Variants in MECOM observed in about 807,000 individuals in gnomAD.
MECOM encodes histone-lysine N-methyltransferase MECOM.
Under a neutral mutation model 116.3 loss-of-function variants are expected in MECOM, and 13 were observed. The ratio of observed to expected loss-of-function variants is 0.11; its 90% CI spans 0.07 to 0.18. The LOEUF is 0.18. Among genes scored for constraint, MECOM ranks in the 10% least tolerant of loss-of-function variants. The pLI is 1.00. For synonymous variants in MECOM, 528 were observed against 535.2 expected, an observed-to-expected ratio of 0.99 and a Z score of 0.19; for missense variants, 1,299 against 1,509.0, an observed-to-expected ratio of 0.86 and a Z score of 2.31.
chr3:169,225,603 A>G (rs1347170965), intron 2 of MECOM, among the ~76,000 whole-genome samples: 1 of 151,940 alleles, frequency 6.6e-6, no homozygotes, highest in East Asian at 1.9e-4. Flanking sequence ...TCGTCCTAAG[A>G]CCCTTATTTG....
intron 2 of MECOM, among the ~76,000 whole-genome samples, chr3:169,311,106 A>C (rs1163832160): frequency 6.6e-6 from 1 of 152,246 alleles, no homozygotes; most frequent in East Asian, 1.9e-4. Context: ...TGACTCTTAA[A>C]AAAGGTCACA....
intron 12 of MECOM, among the ~76,000 whole-genome samples, chr3:169,099,284 G>A (rs147473819): frequency 9.3e-4 from 142 of 152,218 alleles, no homozygotes; most frequent in African/African-American, 3.3e-3. Flanking sequence ...TAAAATGAAC[G>A]TGATAACATA....
intron 1 of MECOM, among the ~76,000 whole-genome samples, chr3:169,517,032 G>C (rs1756715911): frequency 6.6e-6 from 1 of 152,176 alleles, no homozygotes; most frequent in Admixed American, 6.5e-5. Flanking sequence ...TCAGTTGAAA[G>C]TAATCTATTG....
At chr3:169,187,112 C>T (rs964357811) in intron 2 of MECOM, among the ~76,000 whole-genome samples, 5 of 152,122 alleles carry the variant, frequency 3.3e-5, no homozygotes, top group South Asian at 2.1e-4. Context: ...GAATCCAGCA[C>T]ACATTATGAT....
chr3:169,163,205 T>C (rs1743097221), intron 2 of MECOM, among the ~76,000 whole-genome samples: 2 of 152,318 alleles, frequency 1.3e-5, no homozygotes, highest in Non-Finnish European at 1.5e-5. Context: ...AGATATCCAT[T>C]CATTTTTTTT....
At chr3:169,193,423 T>C (rs1488101) in intron 2 of MECOM, among the ~76,000 whole-genome samples, 92,044 of 151,738 alleles carry the variant, frequency 0.61, 27,964 homozygotes, top group Middle Eastern at 0.66. Context: ...AATGGGCCAA[T>C]GGCTGTCTTT....
chr3:169,540,720 G>A (rs899875701), intron 1 of MECOM, among the ~76,000 whole-genome samples: 4 of 152,158 alleles, frequency 2.6e-5, no homozygotes, highest in African/African-American at 9.7e-5. Context: ...TTGGCCTCCA[G>A]TAACTTGAAA....
intron 11 of MECOM, 65 bp downstream of exon 11, chr3:169,101,995 G>T: frequency 1.3e-6 from 2 of 1,497,258 alleles, no homozygotes; most frequent in Non-Finnish European, 1.8e-6. Context: ...AAAACAAACA[G>T]CAAGACCTTT....
intron 1 of MECOM, among the ~76,000 whole-genome samples, chr3:169,632,023 C>T (rs1233337442): frequency 6.6e-6 from 1 of 152,028 alleles, no homozygotes; most frequent in Non-Finnish European, 1.5e-5. Context: ...TACTCAGCAC[C>T]AATTCCATGA....
intron 2 of MECOM, among the ~76,000 whole-genome samples, chr3:169,240,977 A>G (rs944604467): frequency 8.5e-5 from 13 of 152,188 alleles, no homozygotes; most frequent in African/African-American, 2.7e-4. Context: ...CAGCAATGTG[A>G]GTAGCTGCAG....
At chr3:169,540,149 A>C (rs1759896156) in intron 1 of MECOM, among the ~76,000 whole-genome samples, 1 of 152,156 alleles carries the variant, frequency 6.6e-6, no homozygotes, top group Non-Finnish European at 1.5e-5. Context: ...TATCTCCCAG[A>C]TGTTCTGTAG....
chr3:169,482,150 GA>G (rs149813618), intron 1 of MECOM, among the ~76,000 whole-genome samples: 2 of 149,150 alleles, frequency 1.3e-5, no homozygotes, highest in Admixed American at 6.7e-5. Context: ...TCTTATTAGA[GA>G]AAAAAAAAGC....
intron 1 of MECOM, among the ~76,000 whole-genome samples, chr3:169,544,506 C>T (rs910535659): frequency 6.6e-6 from 1 of 152,160 alleles, no homozygotes; most frequent in Non-Finnish European, 1.5e-5. Flanking sequence ...CCTATTTCTC[C>T]ACAGCCTCAC....
intron 2 of MECOM, among the ~76,000 whole-genome samples, chr3:169,271,511 A>G (rs1758939212): frequency 6.6e-6 from 1 of 152,236 alleles, no homozygotes; most frequent in Non-Finnish European, 1.5e-5. Flanking sequence ...TAATTTTTTA[A>G]AGTCTGTGTT....
rs751214857 is a variant in MECOM at position 169,093,091 on chromosome 3, A to G, written c.3031T>C (p.Ser1011Pro). The G allele has an allele frequency of 1.2e-6, 2 of 1,611,114 alleles. No homozygotes were observed. The highest frequency in any genetic ancestry group is 1.7e-6 in the Non-Finnish European group (2 of 1,178,718). Residue 1011 changes from serine to proline, a missense_variant, in exon 14 of 17, where the codon TCG (serine) becomes CCG (proline). Ser to Pro is a moderately conservative substitution (Grantham distance 74). Coordinates refer to ENST00000651503, the MANE Select transcript of MECOM (RefSeq NM_004991.4). ...CTTTCCAGTTCAGAATGAGGCGACG[A>G]TGTTGCTGTACCTGTGTGGAGCAGA... ...ENGNMSGTAT[S>P]SPHSELESTG...
chr3:169,131,715 CAAA>C, intron 3 of MECOM, 184 bp from the exon 4 acceptor site: 1 of 632,722 alleles, frequency 1.6e-6, no homozygotes, highest in Non-Finnish European at 2.6e-6. Flanking sequence ...CCTCTGGTGA[CAAA>C]TGGAAAGCTG....
intron 1 of MECOM, among the ~76,000 whole-genome samples, chr3:169,571,021 T>C (rs1316862823): frequency 1.3e-5 from 2 of 152,090 alleles, no homozygotes; most frequent in Non-Finnish European, 2.9e-5. Flanking sequence ...ATCAAGGGTA[T>C]TCAAATAGGA....
At chr3:169,139,051 G>A (rs1737274900) in intron 3 of MECOM, among the ~76,000 whole-genome samples, 1 of 152,104 alleles carries the variant, frequency 6.6e-6, no homozygotes, top group Non-Finnish European at 1.5e-5. Context: ...AACAATGCCT[G>A]TTCCAACTGA....
chr3:169,278,283 C>T (rs896454553), intron 2 of MECOM, among the ~76,000 whole-genome samples: 3 of 152,198 alleles, frequency 2.0e-5, no homozygotes, highest in African/African-American at 4.8e-5. Context: ...CAACCCAAGC[C>T]AGGCCTTGAT....
Sources: gnomAD v4.1 joint callset for allele counts (sites outside exome capture counted in the v4.1 genomes callset) on GRCh38, gnomAD v4.1.1 for gene constraint, MANE v1.5 for transcripts, NCBI Gene and HGNC (gene_info 2026-07-23, HGNC 2026-07-21) for gene names.